CACNA1A: variants seen among roughly 807,000 people sequenced by gnomAD.
CACNA1A encodes voltage-dependent P/Q-type calcium channel subunit alpha-1A.
A neutral mutation model predicts 262.4 loss-of-function variants in CACNA1A; 57 were observed. That is an observed-to-expected ratio of 0.22 (90% CI 0.18 to 0.27). The LOEUF is 0.27. Among genes scored for constraint, CACNA1A ranks in the 10% least tolerant of loss-of-function variants. The pLI, the probability that CACNA1A is intolerant of heterozygous loss-of-function variation, is 1.00. For missense variants in CACNA1A, 2,526 were observed against 3,562.8 expected, an observed-to-expected ratio of 0.71 and a Z score of 7.41; for synonymous variants, 1,431 against 1,419.3, an observed-to-expected ratio of 1.01 and a Z score of -0.18.
In CACNA1A at chr19:13,285,067, C is replaced by T. The variant is rs1315533129; in HGVS notation, c.3692+1G>A. 1.2e-6 allele frequency: 2 copies of T among 1,613,994 alleles called. No homozygotes were observed. Among genetic ancestry groups the T allele is most frequent in the South Asian group, 1.1e-5 (1 of 91,082 alleles). ...CTGCCCTTGCTGGGGGCCATACTCA[C>T]GGGTTGGTCGTGGACAGGATGAACA... is the stretch of plus-strand genomic sequence containing the variant. On this transcript the variant is annotated splice_donor_variant, in intron 21 of 46. Transcript: ENST00000360228. LOFTEE classifies it high-confidence loss of function.
At chr19:13,410,238 T>C (rs2060085804) in intron 3 of CACNA1A, among the ~76,000 whole-genome samples, 2 of 151,946 alleles carry the variant, frequency 1.3e-5, no homozygotes, top group Non-Finnish European at 1.5e-5. Flanking sequence ...TCCCATCTTT[T>C]TTTTTTGAGA....
intron 1 of CACNA1A, among the ~76,000 whole-genome samples, chr19:13,497,042 G>C (rs143555395): frequency 6.8e-4 from 104 of 152,222 alleles, no homozygotes; most frequent in Non-Finnish European, 1.2e-3. Context: ...CAGCCACCTA[G>C]CTCCAGAATC....
intron 6 of CACNA1A, among the ~76,000 whole-genome samples, chr19:13,340,870 T>A (rs1200781055): frequency 1.3e-5 from 2 of 152,148 alleles, no homozygotes; most frequent in East Asian, 3.9e-4. Flanking sequence ...GATCAGGTCA[T>A]TAGGGTGGAA....
intron 1 of CACNA1A, among the ~76,000 whole-genome samples, chr19:13,487,806 G>C (rs1233691495): frequency 6.6e-6 from 1 of 151,866 alleles, no homozygotes; most frequent in Non-Finnish European, 1.5e-5. Context: ...CAGCATTTTG[G>C]GTTTCTTTCT....
chr19:13,372,122 G>A (rs2059333640), intron 3 of CACNA1A, among the ~76,000 whole-genome samples: 1 of 152,108 alleles, frequency 6.6e-6, no homozygotes, highest in Non-Finnish European at 1.5e-5. Context: ...GGGGCCCTGG[G>A]GGAATGGCAG....
At chr19:13,322,260 A>T (rs1350538113) in intron 10 of CACNA1A, among the ~76,000 whole-genome samples, 1 of 151,980 alleles carries the variant, frequency 6.6e-6, no homozygotes, top group Non-Finnish European at 1.5e-5. Context: ...ACCATATGAC[A>T]ACAGAGGCAG....
rs1480054190 is a variant in CACNA1A, at chr19:13,206,455, T to A, written c.*858A>T. The A allele has an allele frequency of 6.6e-6, 1 of 152,168 alleles. No homozygotes were observed. Among genetic ancestry groups the A allele is most frequent in the Non-Finnish European group, 1.5e-5 (1 of 68,156 alleles). 9.4% of individuals were successfully genotyped at this position (152,168 alleles called of 1,614,324 possible). ...ATCCAAAAGCCCTTTGATTCAACTT[T>A]TTTTTATTTTTTTTTTCTTTTTGAA... On this transcript the variant is annotated 3_prime_UTR_variant, in exon 47 of 47. Transcript: ENST00000360228.
chr19:13,437,911 C>T (rs928896392), intron 3 of CACNA1A, among the ~76,000 whole-genome samples: 4 of 151,906 alleles, frequency 2.6e-5, no homozygotes, highest in South Asian at 2.1e-4. Context: ...AGCCAGGTTG[C>T]GTGTCTGTGC....
At chr19:13,392,428 A>C (rs1175562164) in intron 3 of CACNA1A, among the ~76,000 whole-genome samples, 1 of 152,190 alleles carries the variant, frequency 6.6e-6, no homozygotes, top group Non-Finnish European at 1.5e-5. Context: ...TGTCTTCCAA[A>C]TAGAGGTGAG....
chr19:13,235,349 G>GGGGCAGAGCA, intron 32 of CACNA1A, 75 bp from the exon 33 acceptor site: 1 of 1,402,006 alleles, frequency 7.1e-7, no homozygotes, highest in South Asian at 1.2e-5. Context: ...TTGTCCCAGT[G>GGGGCAGAGCA]CTCTGCCCCA....
At position 13,298,673 on chromosome 19, in the gene CACNA1A, C is replaced by T; in HGVS notation, c.2960G>A (p.Arg987Gln). 6.8e-7 allele frequency: 1 copy of T among 1,476,744 alleles called. No individual in the cohort carries two copies. Among genetic ancestry groups the T allele is most frequent in the South Asian group, 1.3e-5 (1 of 75,370 alleles). The allele number at this position is 1,476,744 out of a possible 1,614,324, so 91.5% of individuals were successfully genotyped here. A position where few individuals can be genotyped will look rare whatever the true frequency, so the allele number is the denominator to read the frequency against. Reference sequence around the variant, plus strand: ...GCCCTCGCCCTCGCCCTCGCCGCCCCGGGCCGGCCGGCTGCCCTCGCGGTG... The same window carrying T: ...GCCCTCGCCCTCGCCCTCGCCGCCCTGGGCCGGCCGGCTGCCCTCGCGGTG... ...ARHREGSRPA[R>Q]GGEGEGEGPD... Residue 987 changes from arginine to glutamine, a missense_variant, in exon 19 of 47, where the codon CGG becomes CAG. By Grantham distance (43) the Arg-to-Gln change is conservative (BLOSUM62 1). Around this residue, in one of 17 missense-constraint regions of CACNA1A, gnomAD observed 765 missense variants for 748.6 expected, o/e 1.02. Transcript: ENST00000360228.
chr19:13,335,334 C>T (rs1471118193), intron 7 of CACNA1A, among the ~76,000 whole-genome samples: 1 of 152,088 alleles, frequency 6.6e-6, no homozygotes, highest in African/African-American at 2.4e-5. Context: ...GATTGGAAGC[C>T]TCTGGTAAAG....
chr19:13,405,047 G>A (rs1326288500), intron 3 of CACNA1A, among the ~76,000 whole-genome samples: 3 of 151,224 alleles, frequency 2.0e-5, no homozygotes, highest in Admixed American at 6.6e-5. Flanking sequence ...CAGGCACCCC[G>A]CCACCACACC....
intron 19 of CACNA1A, 85 bp from the exon 20 acceptor site, chr19:13,287,051 C>G (rs757224316): frequency 6.1e-6 from 7 of 1,153,790 alleles, no homozygotes; most frequent in Non-Finnish European, 8.5e-6. Flanking sequence ...AAGATTCCAT[C>G]TTTCAAGAGT....
chr19:13,400,844 A>C (rs1004837874), intron 3 of CACNA1A, among the ~76,000 whole-genome samples: 1 of 152,114 alleles, frequency 6.6e-6, no homozygotes, highest in African/African-American at 2.4e-5. Context: ...GGCGGTCCTG[A>C]GGCAGAGTCT....
intron 6 of CACNA1A, among the ~76,000 whole-genome samples, chr19:13,345,878 C>T (rs929498417): frequency 6.9e-6 from 1 of 143,942 alleles, no homozygotes; most frequent in Non-Finnish European, 1.5e-5. Context: ...ATTATATAGG[C>T]TGTCTGTTCA....
rs571629634 is a variant in CACNA1A, at chr19:13,374,179, G to A, written c.540-2400C>T. ...TCACCACTGGGATTTGGATGGTGAGGTTCAAGCAGCAAGTCATGAAGCCAG... is the reference window on the plus strand; with the variant it reads ...TCACCACTGGGATTTGGATGGTGAGATTCAAGCAGCAAGTCATGAAGCCAG... On this transcript the variant is annotated intron_variant, in intron 3 of 46. Coordinates refer to ENST00000360228, the MANE Select transcript of CACNA1A (RefSeq NM_001127222.2). Among the ~76,000 whole-genome samples the A allele has an allele frequency of 5.3e-5, 8 of 152,268 alleles. No individual in the cohort carries two copies. In the East Asian group the frequency reaches 1.5e-3, roughly 29 times the overall value.
At chr19:13,307,624 T>C (rs1035729777) in intron 15 of CACNA1A, 158 bp downstream of exon 15, 1 of 627,514 alleles carries the variant, frequency 1.6e-6, no homozygotes, top group Non-Finnish European at 2.8e-6. Context: ...GGCCTCACCA[T>C]AATTGAATAA....
intron 1 of CACNA1A, among the ~76,000 whole-genome samples, chr19:13,502,227 T>C (rs929379306): frequency 1.3e-5 from 2 of 151,720 alleles, no homozygotes; most frequent in Non-Finnish European, 2.9e-5. Flanking sequence ...CAAAGTGATG[T>C]CACCTGATGT....
Sources: allele counts gnomAD v4.1 joint callset (sites outside exome capture counted in the v4.1 genomes callset), GRCh38; gene constraint gnomAD v4.1.1; regional missense constraint gnomAD v4.1.1; transcripts MANE v1.5; gene names NCBI Gene and HGNC (gene_info 2026-07-23, HGNC 2026-07-21).